JAZF1: variants seen among roughly 807,000 people sequenced by gnomAD.
JAZF1 encodes JAZF zinc finger 1, also known as juxtaposed with another zinc finger protein 1.
JAZF1 carries 8 observed loss-of-function variants against 26.4 expected under a neutral mutation model. That is an observed-to-expected ratio of 0.30 (90% CI 0.18 to 0.55). The LOEUF (loss-of-function observed/expected upper bound fraction) is 0.55, where lower values mean the gene tolerates loss of function less well. Among genes scored for constraint, JAZF1 ranks in the 20% least tolerant of loss-of-function variants. The pLI is 0.94. For synonymous variants in JAZF1, 126 were observed against 122.3 expected, an observed-to-expected ratio of 1.03 and a Z score of -0.20; for missense variants, 199 against 322.0, an observed-to-expected ratio of 0.62 and a Z score of 2.92.
In JAZF1 at chr7:27,877,100, G is replaced by A. The variant is rs931656544; in HGVS notation, c.385+18120C>T. Among the ~76,000 whole-genome samples, 6 of 152,290 alleles carry A rather than the reference G, an allele frequency of 3.9e-5. No homozygotes were observed. The South Asian group carries it at 6.2e-4, about 16-fold the overall frequency. ...AGGGCGCTAGACTTTGGCAGAGGCC[G>A]CTGCTGGAAAGCCAGCATCCCCAGC... On this transcript the variant is annotated intron_variant, in intron 3 of 4. Coordinates refer to ENST00000283928, the MANE Select transcript of JAZF1 (RefSeq NM_175061.4).
intron 1 of JAZF1, among the ~76,000 whole-genome samples, chr7:28,087,536 G>A (rs759313472): frequency 5.9e-5 from 9 of 151,830 alleles, no homozygotes; most frequent in African/African-American, 1.2e-4. Flanking sequence ...AGAAAATAAC[G>A]TCATTCAGAA....
At position 27,831,994 on chromosome 7, in the gene JAZF1, C is replaced by T; in HGVS notation, c.*806G>A. 1 of 219,088 alleles carries T rather than the reference C, an allele frequency of 4.6e-6. No individual in the cohort carries two copies. Among genetic ancestry groups the T allele is most frequent in the Non-Finnish European group, 9.2e-6 (1 of 108,834 alleles). The allele number at this position is 219,088 out of a possible 1,614,324, so 13.6% of individuals were successfully genotyped here. A position where few individuals can be genotyped will look rare whatever the true frequency, so the allele number is the denominator to read the frequency against. On this transcript the variant is annotated 3_prime_UTR_variant, in exon 5 of 5. Coordinates refer to ENST00000283928, the MANE Select transcript of JAZF1 (RefSeq NM_175061.4). ...AGATTTCAGGGAAAAAAGTATTTCACTAAATGGGTATCTTGGTCCGCAGAT... is the reference window on the plus strand; with the variant it reads ...AGATTTCAGGGAAAAAAGTATTTCATTAAATGGGTATCTTGGTCCGCAGAT...
chr7:27,913,515 G>A, intron 2 of JAZF1: 1 of 321,352 alleles, frequency 3.1e-6, no homozygotes, highest in Non-Finnish European at 6.4e-6. Context: ...GGTGGGAGGG[G>A]CGCTGCGGAG....
intron 1 of JAZF1, among the ~76,000 whole-genome samples, chr7:28,150,114 G>A (rs1783087905): frequency 6.6e-6 from 1 of 152,216 alleles, no homozygotes; most frequent in Non-Finnish European, 1.5e-5. Context: ...TAACTGAAAT[G>A]AGTGTTACTA....
intron 3 of JAZF1, among the ~76,000 whole-genome samples, chr7:27,874,223 G>A (rs1023611064): frequency 1.3e-5 from 2 of 152,228 alleles, no homozygotes; most frequent in Non-Finnish European, 2.9e-5. Flanking sequence ...CCACACCACA[G>A]AACCCATGTG....
At chr7:28,094,907 G>A (rs955712293) in intron 1 of JAZF1, among the ~76,000 whole-genome samples, 12 of 152,046 alleles carry the variant, frequency 7.9e-5, no homozygotes, top group Admixed American at 3.9e-4. Context: ...TTAGTAAGAC[G>A]ACAAGGAGGA....
At chr7:28,150,382 C>T (rs920170184) in intron 1 of JAZF1, among the ~76,000 whole-genome samples, 2 of 152,136 alleles carry the variant, frequency 1.3e-5, no homozygotes, top group African/African-American at 4.8e-5. Context: ...AAGTAATGCC[C>T]ATGGAAGAGT....
intron 4 of JAZF1, among the ~76,000 whole-genome samples, chr7:27,836,382 G>A (rs955919111): frequency 1.3e-5 from 2 of 152,140 alleles, no homozygotes; most frequent in Non-Finnish European, 2.9e-5. Context: ...TAGACAGCAG[G>A]CGACTTAAAG....
At chr7:28,009,331 A>G (rs1402516712) in intron 1 of JAZF1, among the ~76,000 whole-genome samples, 2 of 152,240 alleles carry the variant, frequency 1.3e-5, no homozygotes, top group East Asian at 3.9e-4. Context: ...ACTTTAGCCA[A>G]TCAGTTCAGT....
chr7:28,093,363 G>A (rs896635630), intron 1 of JAZF1, among the ~76,000 whole-genome samples: 2 of 152,166 alleles, frequency 1.3e-5, no homozygotes, highest in Non-Finnish European at 2.9e-5. Flanking sequence ...TGTAAGACAT[G>A]CCTTCTGCCT....
At chr7:28,119,870 T>TC (rs1162687645) in intron 1 of JAZF1, among the ~76,000 whole-genome samples, 18 of 152,184 alleles carry the variant, frequency 1.2e-4, no homozygotes, top group Admixed American at 1.2e-3. Context: ...ACCCCACTAG[T>TC]CCCCTACATA....
chr7:27,885,851 C>G (rs1783851782), intron 3 of JAZF1, among the ~76,000 whole-genome samples: 1 of 152,042 alleles, frequency 6.6e-6, no homozygotes. Flanking sequence ...TAGTGCAGAC[C>G]AAAAATAAAC....
chr7:27,835,277 T>A (rs1005877592), intron 4 of JAZF1, among the ~76,000 whole-genome samples: 5 of 152,038 alleles, frequency 3.3e-5, no homozygotes, highest in Non-Finnish European at 5.9e-5. Flanking sequence ...AGGGCTGAGG[T>A]TTTTATAACT....
intron 2 of JAZF1, among the ~76,000 whole-genome samples, chr7:27,978,601 G>A (rs1785517106): frequency 6.6e-6 from 1 of 152,134 alleles, no homozygotes; most frequent in African/African-American, 2.4e-5. Context: ...GGAAGTAGGT[G>A]GAAGTGATAT....
intron 1 of JAZF1, among the ~76,000 whole-genome samples, chr7:28,009,718 C>T (rs1177834814): frequency 6.6e-6 from 1 of 152,078 alleles, no homozygotes; most frequent in Non-Finnish European, 1.5e-5. Context: ...CTCCTGACCT[C>T]GTGATCTGCC....
At position 28,075,261 on chromosome 7, in the gene JAZF1, A is replaced by G. The variant is rs999035895; in HGVS notation, c.116-83280T>C. Among the ~76,000 whole-genome samples, 10 of 152,230 alleles carry G rather than the reference A, an allele frequency of 6.6e-5. No individual in the cohort carries two copies. The South Asian group carries it at 1.0e-3, about 16-fold the overall frequency. On this transcript the variant is annotated intron_variant, in intron 1 of 4. Transcript: ENST00000283928. ...GAATGTAAAGTTCTCCCTCAGTGAT[A>G]ACCCCTCTCATCATTACTATGCCCC...
At chr7:27,913,688 C>G (rs769639946) in intron 2 of JAZF1, among the ~76,000 whole-genome samples, 1 of 152,178 alleles carries the variant, frequency 6.6e-6, no homozygotes, top group Admixed American at 6.5e-5. Flanking sequence ...CTTGCAGATG[C>G]CTCATTTCTC....
chr7:28,074,362 G>A (rs1157567830), intron 1 of JAZF1, among the ~76,000 whole-genome samples: 1 of 152,158 alleles, frequency 6.6e-6, no homozygotes, highest in Non-Finnish European at 1.5e-5. Context: ...TTAATATTAT[G>A]CACAACACCT....
intron 1 of JAZF1, among the ~76,000 whole-genome samples, chr7:28,105,384 C>T (rs141045011): frequency 3.0e-4 from 46 of 152,322 alleles, no homozygotes; most frequent in African/African-American, 1.1e-3. Context: ...AGCATTGTGA[C>T]TCCTGGTGAG....
Sources: allele counts gnomAD v4.1 joint callset (sites outside exome capture counted in the v4.1 genomes callset), GRCh38; gene constraint gnomAD v4.1.1; transcripts MANE v1.5; gene names NCBI Gene and HGNC (gene_info 2026-07-23, HGNC 2026-07-21).